PAK5: variants seen among roughly 807,000 people sequenced by gnomAD.
The protein encoded by PAK5 is p21 (RAC1) activated kinase 5.
In PAK5, 16 loss-of-function variants were observed where a neutral mutation model predicts 65.9. The ratio of observed to expected loss-of-function variants is 0.24; its 90% CI spans 0.16 to 0.37. PAK5 has a LOEUF of 0.37. PAK5 is among the 10% of genes least tolerant of loss of function. PAK5 has a pLI of 1.00. For synonymous variants in PAK5, 371 were observed against 354.9 expected (o/e 1.05, Z -0.51); for missense variants, 785 against 903.9 (o/e 0.87, Z 1.69).
At chr20:9,771,036 G>A (rs1036209102) in intron 1 of PAK5, among the ~76,000 whole-genome samples, 3 of 152,078 alleles carry the variant, frequency 2.0e-5, no homozygotes, top group African/African-American at 7.2e-5. Context: ...AAAGCAAGAT[G>A]TCACAACAAG....
intron 1 of PAK5, among the ~76,000 whole-genome samples, chr20:9,750,075 ATTG>A (rs1475980169): frequency 6.6e-6 from 1 of 152,148 alleles, no homozygotes; most frequent in Non-Finnish European, 1.5e-5. Flanking sequence ...AAGTAAATAA[ATTG>A]TTGTTGAGCC....
intron 1 of PAK5, among the ~76,000 whole-genome samples, chr20:9,773,381 C>T (rs1444356690): frequency 1.3e-5 from 2 of 152,166 alleles, no homozygotes; most frequent in African/African-American, 2.4e-5. Context: ...AATGCTATCC[C>T]TCCCCCTTCC....
At position 9,586,360 on chromosome 20, in the gene PAK5, A is replaced by C. The variant is rs56129323; in HGVS notation, c.205-5430T>G. Among the ~76,000 whole-genome samples, 235 of 152,266 alleles carry C rather than the reference A, an allele frequency of 1.5e-3. 1 individual carries two copies. The highest frequency in any genetic ancestry group is 2.4e-3 in the Non-Finnish European group (166 of 68,002). ...TTAAATCTCCCTATTTTTACACTAA[A>C]ACCCTTCCAATTTGATTAATGAGTT... is the stretch of plus-strand genomic sequence containing the variant. On this transcript the variant is annotated intron_variant, in intron 3 of 9. Transcript: ENST00000353224.
At chr20:9,689,164 G>A (rs897564549) in intron 2 of PAK5, among the ~76,000 whole-genome samples, 1 of 152,154 alleles carries the variant, frequency 6.6e-6, no homozygotes, top group Non-Finnish European at 1.5e-5. Context: ...TGCTTCATTT[G>A]TTTTCTGAGT....
Position 9,624,717 on chromosome 20 carries a change from T to A in PAK5, c.204+19408A>T, listed in dbSNP as rs554433569. ...GGTGGAGCACGCCTCAGCTCTGCTA[T>A]TTGAGAGTTGTGTGACTGTTGGTGA... is the stretch of plus-strand genomic sequence containing the variant. On this transcript the variant is annotated intron_variant, in intron 3 of 9. Transcript: ENST00000353224. 2.0e-4 allele frequency among the ~76,000 whole-genome samples: 31 copies of A among 151,960 alleles called. 2 individuals carry two copies. In the South Asian group the frequency reaches 6.2e-3, roughly 31 times the overall value.
At chr20:9,597,836 A>G (rs6039520) in intron 3 of PAK5, among the ~76,000 whole-genome samples, 46,542 of 152,174 alleles carry the variant, frequency 0.31, 9,333 homozygotes, top group African/African-American at 0.55. Context: ...ATGCTAGGCC[A>G]GCCAGCCTCT....
intron 1 of PAK5, among the ~76,000 whole-genome samples, chr20:9,814,084 G>A (rs570008489): frequency 8.3e-6 from 1 of 120,652 alleles, no homozygotes; most frequent in South Asian, 2.8e-4. Flanking sequence ...CAGGTTCTTG[G>A]TCAAGTGCAT....
chr20:9,741,457 T>A (rs920968000), intron 1 of PAK5, among the ~76,000 whole-genome samples: 3 of 152,158 alleles, frequency 2.0e-5, no homozygotes, highest in African/African-American at 7.2e-5. Context: ...TGGAATAAGC[T>A]TTCGGAGGAA....
chr20:9,563,689 T>C (rs2045627468), intron 5 of PAK5, among the ~76,000 whole-genome samples: 1 of 152,228 alleles, frequency 6.6e-6, no homozygotes, highest in African/African-American at 2.4e-5. Context: ...GAGCTAGTGT[T>C]AAATAATAAA....
chr20:9,595,737 G>A (rs6056730), intron 3 of PAK5, among the ~76,000 whole-genome samples: 8,652 of 151,992 alleles, frequency 0.057, 757 homozygotes, highest in African/African-American at 0.19. Flanking sequence ...TGAAGACATC[G>A]TTCGCTACTT....
At chr20:9,777,169 T>A (rs1164122650) in intron 1 of PAK5, among the ~76,000 whole-genome samples, 1 of 152,032 alleles carries the variant, frequency 6.6e-6, no homozygotes, top group Non-Finnish European at 1.5e-5. Flanking sequence ...TCAAGAACAT[T>A]TCACTCGAGA....
At chr20:9,818,239 T>C (rs1337982867) in intron 1 of PAK5, among the ~76,000 whole-genome samples, 1 of 152,208 alleles carries the variant, frequency 6.6e-6, no homozygotes, top group Non-Finnish European at 1.5e-5. Context: ...CATGCTGGAC[T>C]GTCTTAAGCA....
At chr20:9,676,276 T>C (rs911701203) in intron 2 of PAK5, among the ~76,000 whole-genome samples, 5 of 151,782 alleles carry the variant, frequency 3.3e-5, no homozygotes, top group African/African-American at 1.2e-4. Flanking sequence ...AAAGATGAGA[T>C]TTGGGTGAGG....
chr20:9,803,322 G>A (rs1007004775), intron 1 of PAK5, among the ~76,000 whole-genome samples: 2 of 152,102 alleles, frequency 1.3e-5, no homozygotes, highest in South Asian at 2.1e-4. Flanking sequence ...CACTTACTAC[G>A]CCAAGCCCAG....
intron 1 of PAK5, among the ~76,000 whole-genome samples, chr20:9,720,157 C>G (rs1324818096): frequency 6.6e-6 from 1 of 152,108 alleles, no homozygotes; most frequent in Non-Finnish European, 1.5e-5. Context: ...GAGTTTTTCA[C>G]CATCACTCTC....
At chr20:9,600,599 G>T (rs2046342705) in intron 3 of PAK5, among the ~76,000 whole-genome samples, 1 of 152,146 alleles carries the variant, frequency 6.6e-6, no homozygotes, top group South Asian at 2.1e-4. Flanking sequence ...TGTCATAATA[G>T]ATAACCATTA....
intron 1 of PAK5, among the ~76,000 whole-genome samples, chr20:9,798,845 C>T (rs2049135081): frequency 6.6e-6 from 1 of 152,078 alleles, no homozygotes; most frequent in South Asian, 2.1e-4. Context: ...TGGTAACTTA[C>T]TAAAAATGGT....
At chr20:9,613,888 C>G (rs1290993393) in intron 3 of PAK5, among the ~76,000 whole-genome samples, 1 of 152,152 alleles carries the variant, frequency 6.6e-6, no homozygotes, top group African/African-American at 2.4e-5. Context: ...TTCCCCACAC[C>G]TCACCAAAGG....
At chr20:9,616,110 C>T (rs189825890) in intron 3 of PAK5, among the ~76,000 whole-genome samples, 6 of 152,340 alleles carry the variant, frequency 3.9e-5, no homozygotes, top group Admixed American at 3.9e-4. Context: ...GTCAAAGACA[C>T]TGTGGCTAAT....
Sources: allele counts gnomAD v4.1 joint callset (sites outside exome capture counted in the v4.1 genomes callset), GRCh38; gene constraint gnomAD v4.1.1; transcripts MANE v1.5; gene names NCBI Gene and HGNC (gene_info 2026-07-23, HGNC 2026-07-21).